The following ZFP82 variants were observed in gnomAD, a reference collection of about 807,000 sequenced individuals.
The protein encoded by ZFP82 is zinc finger protein 82 homolog.
A neutral mutation model predicts 54.0 loss-of-function variants in ZFP82; 30 were observed. That is an observed-to-expected ratio of 0.56 (90% CI 0.42 to 0.75). ZFP82 has a LOEUF of 0.75. ZFP82 is among the 30% of genes least tolerant of loss of function. ZFP82 has a pLI of 0.00. For missense variants in ZFP82, 500 were observed against 636.8 expected, an observed-to-expected ratio of 0.79 and a Z score of 2.31; for synonymous variants, 194 against 209.5, an observed-to-expected ratio of 0.93 and a Z score of 0.64.
At chr19:36,397,568 T>C (rs1472869771) in intron 4 of ZFP82, among the ~76,000 whole-genome samples, 2 of 152,152 alleles carry the variant, frequency 1.3e-5, no homozygotes, top group East Asian at 3.9e-4. Context: ...TTTGTTGTTT[T>C]TTTGTTTTTT....
In ZFP82 at chr19:36,405,631, G is replaced by T; in HGVS notation, c.178C>A (p.Gln60Lys). 6.2e-7 allele frequency: 1 copy of T among 1,610,136 alleles called. No homozygotes were observed. Among genetic ancestry groups the T allele is most frequent in the South Asian group, 1.1e-5 (1 of 90,594 alleles). ...ACAACTTTCCAAGGCTCTTTTCCTT[G>T]CTCCAATGAGGAAATCACATCTGGT... ...SKPDVISSLE[Q>K]GKEPWKVVRK... The change falls in exon 4 of 5, where the codon CAA (glutamine) becomes AAA (lysine). Residue 60 changes from glutamine to lysine, a missense_variant. By Grantham distance (53) the Gln-to-Lys change is moderately conservative. Coordinates refer to ENST00000392161, the MANE Select transcript of ZFP82 (RefSeq NM_133466.4).
chr19:36,398,432 G>A (rs932754368), intron 4 of ZFP82, among the ~76,000 whole-genome samples: 2 of 151,982 alleles, frequency 1.3e-5, no homozygotes, highest in African/African-American at 4.8e-5. Flanking sequence ...AGCTACTTGG[G>A]AGGCTGAGGT....
chr19:36,414,975 C>T (rs2145602664), intron 1 of ZFP82, among the ~76,000 whole-genome samples: 1 of 152,114 alleles, frequency 6.6e-6, no homozygotes, highest in African/African-American at 2.4e-5. Context: ...GCATGCACCA[C>T]CACGCCTGGC....
downstream of ZFP82, among the ~76,000 whole-genome samples, chr19:36,386,251 C>G (rs986222746): frequency 2.6e-5 from 4 of 152,242 alleles, no homozygotes; most frequent in Non-Finnish European, 4.4e-5. Context: ...AGGTGTGGCT[C>G]AGCCTGCCAC....
chr19:36,406,449 C>G (rs2032483359), intron 3 of ZFP82, among the ~76,000 whole-genome samples: 1 of 152,176 alleles, frequency 6.6e-6, no homozygotes, highest in African/African-American at 2.4e-5. Context: ...CTTTTTGTCT[C>G]TATAGATTTG....
At chr19:36,398,596 A>G (rs939630368) in intron 4 of ZFP82, among the ~76,000 whole-genome samples, 3 of 152,136 alleles carry the variant, frequency 2.0e-5, no homozygotes, top group African/African-American at 7.2e-5. Flanking sequence ...AGACAATTCA[A>G]TATACCAACA....
intron 4 of ZFP82, among the ~76,000 whole-genome samples, chr19:36,398,265 G>A (rs932745787): frequency 5.9e-5 from 9 of 152,166 alleles, no homozygotes; most frequent in African/African-American, 2.2e-4. Context: ...TAGGCTGGGC[G>A]CAGTGGCTCA....
chr19:36,403,621 A>AG (rs1296448675), intron 4 of ZFP82, among the ~76,000 whole-genome samples: 2 of 96,858 alleles, frequency 2.1e-5, no homozygotes, highest in Non-Finnish European at 4.4e-5. Flanking sequence ...CTCCGTCGCA[A>AG]GAAAAAAAAA....
chr19:36,385,789 T>G (rs1760969138), downstream of ZFP82, among the ~76,000 whole-genome samples: 1 of 152,186 alleles, frequency 6.6e-6, no homozygotes. Flanking sequence ...GCCTTGGGCT[T>G]TATTGGAAGG....
At chr19:36,414,151 T>A (rs1026157863) in intron 1 of ZFP82, among the ~76,000 whole-genome samples, 2 of 151,374 alleles carry the variant, frequency 1.3e-5, no homozygotes, top group Non-Finnish European at 2.9e-5. Flanking sequence ...CCGCCCGCCT[T>A]GGCCTCCCAA....
intron 4 of ZFP82, among the ~76,000 whole-genome samples, chr19:36,403,795 T>C (rs2032435915): frequency 1.3e-5 from 2 of 152,192 alleles, no homozygotes; most frequent in Non-Finnish European, 2.9e-5. Flanking sequence ...ATAAGAATGA[T>C]ATTCTGTGAA....
chr19:36,418,614 C>T lies in ZFP82; in HGVS notation c.-201G>A, dbSNP rs1051033408. ...AGCGATGCCCGAACGGAGGAAGCCG[C>T]TGCCGGGTCACGCCACAATCCCCGG... On this transcript the variant is annotated 5_prime_UTR_variant, in exon 1 of 5. Transcript: ENST00000392161. The T allele has an allele frequency of 6.6e-6, 1 of 152,350 alleles. No individual in the cohort carries two copies. The highest frequency in any genetic ancestry group is 1.5e-5 in the Non-Finnish European group (1 of 68,152). The allele number at this position is 152,350 out of a possible 1,614,324, so 9.4% of individuals were successfully genotyped here.
rs2032222520 is a variant in ZFP82, at chr19:36,392,746, T to G, written c.1594A>C (p.Ile532Leu). 1.3e-6 allele frequency: 2 copies of G among 1,553,300 alleles called. No individual in the cohort carries two copies. The highest frequency in any genetic ancestry group is 1.7e-6 in the Non-Finnish European group (2 of 1,155,932). Residue 532 changes from isoleucine (I) to leucine (L), a missense_variant, in exon 5 of 5, where the codon ATC becomes CTC. Coordinates refer to ENST00000392161, the MANE Select transcript of ZFP82 (RefSeq NM_133466.4). The stretch of plus-strand genomic sequence containing the variant: ...CAGAAGTTGAAAAGACTTTCTTAGA[T>G]TTTTACATTATGAATTTTCAGATGA... ...THHLKIHNVK[I>L]
At chr19:36,416,243 G>A (rs1346813400) in intron 1 of ZFP82, among the ~76,000 whole-genome samples, 1 of 152,078 alleles carries the variant, frequency 6.6e-6, no homozygotes, top group Admixed American at 6.5e-5. Context: ...CTAATTTTGT[G>A]TCTAACATTG....
rs376577613 is a variant in ZFP82, at chr19:36,393,614, T to C, written c.726A>G (p.Arg242=). 12 of 1,613,758 alleles carry C rather than the reference T, an allele frequency of 7.4e-6. No individual in the cohort carries two copies. Among genetic ancestry groups the C allele is most frequent in the Non-Finnish European group, 1.0e-5 (12 of 1,179,970 alleles). Residue 242 remains arginine, a synonymous_variant, in exon 5 of 5, where the codon AGA becomes AGG. Coordinates refer to ENST00000392161, the MANE Select transcript of ZFP82 (RefSeq NM_133466.4). ...CACCAATATGCATTTTCTGATGTAC[T>C]CTAAGATCTGCACCACATATGAAAG... The part of the protein sequence containing the change: ...GEAFICGADL[R]VHQKMHIGEK...
At chr19:36,409,066 G>C (rs2032533254) in intron 2 of ZFP82, among the ~76,000 whole-genome samples, 1 of 152,072 alleles carries the variant, frequency 6.6e-6, no homozygotes. Context: ...GAATCACAAA[G>C]ATGTCATTCT....
intron 1 of ZFP82, among the ~76,000 whole-genome samples, chr19:36,413,969 C>T (rs1179465503): frequency 6.7e-5 from 10 of 149,538 alleles, no homozygotes; most frequent in South Asian, 4.2e-4. Context: ...GGCAAGATCT[C>T]GGCTCACTGC....
At chr19:36,415,522 G>A (rs979230513) in intron 1 of ZFP82, among the ~76,000 whole-genome samples, 4 of 152,038 alleles carry the variant, frequency 2.6e-5, no homozygotes, top group African/African-American at 9.7e-5. Context: ...CAAATAGCTG[G>A]GATTACAGGC....
rs1383968418 is a variant in ZFP82, at chr19:36,392,629, T to G, written c.*112A>C. On this transcript the variant is annotated 3_prime_UTR_variant, in exon 5 of 5. Coordinates refer to ENST00000392161, the MANE Select transcript of ZFP82 (RefSeq NM_133466.4). ...GATGGACTACAATACATTGTCACAC[T>G]CTTTTAATGGTATAAAACCTCTAAT... 1 of 905,580 alleles carries G rather than the reference T, an allele frequency of 1.1e-6. No individual in the cohort carries two copies. Among genetic ancestry groups the G allele is most frequent in the African/African-American group, 1.7e-5 (1 of 59,662 alleles). The allele number at this position is 905,580 out of a possible 1,614,324, so 56.1% of individuals were successfully genotyped here.
Sources: allele counts gnomAD v4.1 joint callset (sites outside exome capture counted in the v4.1 genomes callset), GRCh38; gene constraint gnomAD v4.1.1; transcripts MANE v1.5; gene names NCBI Gene and HGNC (gene_info 2026-07-23, HGNC 2026-07-21).